ALCAM: variants seen among roughly 807,000 people sequenced by gnomAD.
ALCAM encodes the protein CD166 antigen.
In ALCAM, 30 loss-of-function variants were observed where a neutral mutation model predicts 70.9. That is an observed-to-expected ratio of 0.42 (90% CI 0.32 to 0.57). The LOEUF (loss-of-function observed/expected upper bound fraction) is 0.57, where lower values mean the gene tolerates loss of function less well. Among genes scored for constraint, ALCAM ranks in the 20% least tolerant of loss-of-function variants. ALCAM has a pLI of 0.11. For synonymous variants in ALCAM, 249 were observed against 242.5 expected (o/e 1.03, Z -0.25); for missense variants, 591 against 695.1 (o/e 0.85, Z 1.68).
intron 1 of ALCAM, among the ~76,000 whole-genome samples, chr3:105,402,356 G>A (rs1167654679): frequency 6.6e-6 from 1 of 152,126 alleles, no homozygotes; most frequent in Admixed American, 6.5e-5. Context: ...ACTACAGCAG[G>A]AACATACCAG....
intron 1 of ALCAM, among the ~76,000 whole-genome samples, chr3:105,382,276 T>G (rs977785455): frequency 1.3e-5 from 2 of 152,038 alleles, no homozygotes; most frequent in African/African-American, 4.8e-5. Flanking sequence ...AATTCATCAT[T>G]TTTTATGGCT....
At chr3:105,389,165 G>T (rs1301532867) in intron 1 of ALCAM, among the ~76,000 whole-genome samples, 1 of 151,358 alleles carries the variant, frequency 6.6e-6, no homozygotes, top group Non-Finnish European at 1.5e-5. Context: ...TGACAAATAT[G>T]ACACATTCAA....
Position 105,559,103 on chromosome 3 carries a change from C to T in ALCAM, c.1664+6518C>T, listed in dbSNP as rs370402315. Among the ~76,000 whole-genome samples the T allele has an allele frequency of 3.3e-3, 502 of 150,030 alleles. 10 individuals carry two copies. The South Asian group carries it at 0.035, about 10-fold the overall frequency. On this transcript the variant is annotated intron_variant, in intron 14 of 15. Transcript: ENST00000306107. ...ATTTAAGGTTATTAAAAAGAGGCACCGATGAGGAAAATTTAAAATAAATAA... is the reference window on the plus strand; with the variant it reads ...ATTTAAGGTTATTAAAAAGAGGCACTGATGAGGAAAATTTAAAATAAATAA...
rs769102419 is a variant in ALCAM at position 105,534,796 on chromosome 3, A to C, written c.681A>C (p.Pro227=). 2 of 1,613,652 alleles carry C rather than the reference A, an allele frequency of 1.2e-6. No individual in the cohort carries two copies. The highest frequency in any genetic ancestry group is 1.7e-6 in the Non-Finnish European group (2 of 1,179,788). ...PFTCSVTYYG[P]SGQKTIHSEQ... ...CCTGCTCGGTGACATATTATGGACC[A>C]TCTGGCCAGAAAACAATTCATTCTG... The change falls in exon 6 of 16, where the codon CCA becomes CCC. Residue 227 remains proline (P), a synonymous_variant. Transcript: ENST00000306107.
At chr3:105,568,711 C>T (rs568548258) in intron 14 of ALCAM, among the ~76,000 whole-genome samples, 1 of 152,246 alleles carries the variant, frequency 6.6e-6, no homozygotes, top group East Asian at 1.9e-4. Context: ...CTACTTAGAC[C>T]ATGCCTCCCA....
chr3:105,534,821 G>A lies in ALCAM; in HGVS notation c.706G>A (p.Glu236Lys). Residue 236 changes from glutamate to lysine, a missense_variant, in exon 6 of 16, where the codon GAA (glutamate) becomes AAA (lysine). Physicochemically the swap from Glu to Lys is moderately conservative, Grantham distance 56. Transcript: ENST00000306107. The part of the protein sequence containing the change: ...GPSGQKTIHS[E>K]QAVFDIYYPT... ...ATCTGGCCAGAAAACAATTCATTCT[G>A]AACAGGCAGTATTTGATATTTACTG... 6.2e-7 allele frequency: 1 copy of A among 1,613,174 alleles called. No homozygotes were observed. The highest frequency in any genetic ancestry group is 8.5e-7 in the Non-Finnish European group (1 of 1,179,554).
At chr3:105,461,250 G>T (rs1475564066) in intron 1 of ALCAM, among the ~76,000 whole-genome samples, 1 of 151,750 alleles carries the variant, frequency 6.6e-6, no homozygotes, top group Non-Finnish European at 1.5e-5. Flanking sequence ...CAAATTTGGT[G>T]TTTTTCCAAG....
chr3:105,388,928 A>G (rs1051370013), intron 1 of ALCAM, among the ~76,000 whole-genome samples: 1 of 151,624 alleles, frequency 6.6e-6, no homozygotes, highest in Non-Finnish European at 1.5e-5. Context: ...AGAAAGAATA[A>G]TTGAAACAAG....
intron 2 of ALCAM, among the ~76,000 whole-genome samples, chr3:105,522,770 T>A (rs1939579603): frequency 6.6e-6 from 1 of 152,220 alleles, no homozygotes; most frequent in Admixed American, 6.5e-5. Context: ...CTCCATGGTC[T>A]AGTCTGTAGA....
intron 2 of ALCAM, among the ~76,000 whole-genome samples, chr3:105,522,564 C>T (rs1243394927): frequency 2.0e-5 from 3 of 152,140 alleles, no homozygotes; most frequent in Admixed American, 6.5e-5. Context: ...GATTACAGCT[C>T]CCTATTCACT....
intron 7 of ALCAM, among the ~76,000 whole-genome samples, chr3:105,541,032 TA>T (rs2152629114): frequency 6.6e-6 from 1 of 152,164 alleles, no homozygotes; most frequent in Admixed American, 6.6e-5. Context: ...GTTTTAGCAA[TA>T]ATACCTGCTG....
chr3:105,368,223 A>AAGAGAGAGAGAGAGGGAG (rs1935123245), intron 1 of ALCAM, among the ~76,000 whole-genome samples: 1 of 67,790 alleles, frequency 1.5e-5, no homozygotes, highest in Non-Finnish European at 2.8e-5. Context: ...TGAGTCTTGG[A>AAGAGAGAGAGAGAGGGAG]AGAGAGAGAG....
At chr3:105,540,360 C>G (rs996029276) in intron 7 of ALCAM, among the ~76,000 whole-genome samples, 1 of 151,788 alleles carries the variant, frequency 6.6e-6, no homozygotes, top group African/African-American at 2.4e-5. Flanking sequence ...TTTAATTATC[C>G]AAATAAACTT....
chr3:105,371,867 C>T (rs1411743214), intron 1 of ALCAM, among the ~76,000 whole-genome samples: 7 of 152,100 alleles, frequency 4.6e-5, no homozygotes, highest in Non-Finnish European at 5.9e-5. Context: ...TACATAGAAA[C>T]TTAAATGCAA....
At position 105,477,626 on chromosome 3, in the gene ALCAM, T is replaced by C. The variant is rs150066109; in HGVS notation, c.74-42441T>C. Among the ~76,000 whole-genome samples, 1,257 of 152,224 alleles carry C rather than the reference T, an allele frequency of 8.3e-3. 8 individuals carry two copies. The highest frequency in any genetic ancestry group is 0.01 in the Middle Eastern group (3 of 294). On this transcript the variant is annotated intron_variant, in intron 1 of 15. Coordinates refer to ENST00000306107, the MANE Select transcript of ALCAM (RefSeq NM_001627.4). ...TTACTGAACTTCTTAAACCTGTAAA[T>C]TTGTGTCTTTCACCACATTGGGGGA...
chr3:105,486,321 G>C (rs1189886042), intron 1 of ALCAM, among the ~76,000 whole-genome samples: 1 of 152,096 alleles, frequency 6.6e-6, no homozygotes, highest in Non-Finnish European at 1.5e-5. Context: ...GATGCCTACT[G>C]TACTCAGCTA....
chr3:105,427,345 G>C (rs1344069506), intron 1 of ALCAM, among the ~76,000 whole-genome samples: 1 of 151,860 alleles, frequency 6.6e-6, no homozygotes, highest in Non-Finnish European at 1.5e-5. Context: ...CTGTAATAAA[G>C]AGGTAGAGAA....
intron 15 of ALCAM, among the ~76,000 whole-genome samples, chr3:105,573,766 G>A (rs1281891761): frequency 6.6e-6 from 1 of 152,188 alleles, no homozygotes; most frequent in Non-Finnish European, 1.5e-5. Flanking sequence ...AACCGCCACA[G>A]TAAACCTCGG....
At position 105,367,343 on chromosome 3, in the gene ALCAM, G is replaced by A. The variant is rs1326030998; in HGVS notation, c.-66G>A. On this transcript the variant is annotated 5_prime_UTR_variant, in exon 1 of 16. Coordinates refer to ENST00000306107, the MANE Select transcript of ALCAM (RefSeq NM_001627.4). ...CCCGCCAGCGCGCGGGCACCGCGGG[G>A]CCCGGGACGACGCCCCCTCCTGCGG... is the stretch of plus-strand genomic sequence containing the variant. 1.5e-5 allele frequency: 24 copies of A among 1,567,432 alleles called. No individual in the cohort carries two copies. The highest frequency in any genetic ancestry group is 2.0e-5 in the Non-Finnish European group (23 of 1,144,672).
Sources: gnomAD v4.1 joint callset for allele counts (sites outside exome capture counted in the v4.1 genomes callset) on GRCh38, gnomAD v4.1.1 for gene constraint, MANE v1.5 for transcripts, NCBI Gene and HGNC (gene_info 2026-07-23, HGNC 2026-07-21) for gene names.